MTA3: variants seen among roughly 807,000 people sequenced by gnomAD.
MTA3 encodes metastasis associated 1 family member 3.
MTA3 carries 34 observed loss-of-function variants against 83.5 expected under a neutral mutation model. That is an observed-to-expected ratio of 0.41 (90% CI 0.31 to 0.54). MTA3 has a LOEUF of 0.54. Among genes scored for constraint, MTA3 ranks in the 20% least tolerant of loss-of-function variants. The pLI, the probability that MTA3 is intolerant of heterozygous loss-of-function variation, is 0.33. For missense variants in MTA3, 761 were observed against 726.4 expected (o/e 1.05, Z -0.55); for synonymous variants, 303 against 252.7 (o/e 1.20, Z -1.89).
chr2:42,526,749 A>G (rs1675726491), intron 2 of MTA3, among the ~76,000 whole-genome samples: 1 of 152,076 alleles, frequency 6.6e-6, no homozygotes, highest in Admixed American at 6.6e-5. Context: ...CAATGGGCTA[A>G]TGACATAAAT....
At position 42,756,551 on chromosome 2, in the gene MTA3, G is replaced by A. The variant is rs528086194; in HGVS notation, c.*3152G>A. The stretch of plus-strand genomic sequence containing the variant: ...CCCACTGCTGTCCTAAGTCCCTGGC[G>A]AGGGGAGGTGGAGGAGCTGCCCCGT... On this transcript the variant is annotated 3_prime_UTR_variant, in exon 17 of 17. Coordinates refer to ENST00000405094, the MANE Select transcript of MTA3 (RefSeq NM_001330442.2). 8.7e-4 allele frequency: 856 copies of A among 985,856 alleles called. 1 individual carries two copies. The highest frequency in any genetic ancestry group is 9.4e-4 in the Non-Finnish European group (777 of 830,220). The allele number at this position is 985,856 out of a possible 1,614,324, so 61.1% of individuals were successfully genotyped here.
chr2:42,632,703 C>T (rs1157756127), intron 4 of MTA3, among the ~76,000 whole-genome samples: 1 of 152,128 alleles, frequency 6.6e-6, no homozygotes, highest in Non-Finnish European at 1.5e-5. Context: ...ATGGGCATCT[C>T]AAAACATAAT....
At chr2:42,508,752 A>G (rs573096879) in intron 2 of MTA3, among the ~76,000 whole-genome samples, 27 of 146,906 alleles carry the variant, frequency 1.8e-4, no homozygotes, top group Non-Finnish European at 3.3e-4. Context: ...ATAATATTAT[A>G]TATTATATAG....
intron 3 of MTA3, among the ~76,000 whole-genome samples, chr2:42,585,073 A>C (rs1445707815): frequency 6.6e-6 from 1 of 151,392 alleles, no homozygotes; most frequent in Non-Finnish European, 1.5e-5. Context: ...CTTTGATTAC[A>C]TAATAATCAA....
At chr2:42,678,416 C>A (rs1228985113) in intron 8 of MTA3, among the ~76,000 whole-genome samples, 1 of 152,152 alleles carries the variant, frequency 6.6e-6, no homozygotes, top group Admixed American at 6.5e-5. Context: ...CGGCTCACTG[C>A]TACTTCCACC....
intron 2 of MTA3, among the ~76,000 whole-genome samples, chr2:42,575,871 C>T (rs111910776): frequency 0.012 from 1,850 of 152,272 alleles, 27 homozygotes; most frequent in African/African-American, 0.036. Flanking sequence ...CATCCATCCT[C>T]ACCTCCTCCC....
At chr2:42,501,656 A>T (rs1674399550) in intron 2 of MTA3, among the ~76,000 whole-genome samples, 1 of 152,222 alleles carries the variant, frequency 6.6e-6, no homozygotes, top group Non-Finnish European at 1.5e-5. Context: ...AGTGCCAAGC[A>T]AGGAGAATCG....
At chr2:42,687,404 T>C (rs1042275502) in intron 9 of MTA3, among the ~76,000 whole-genome samples, 4 of 152,214 alleles carry the variant, frequency 2.6e-5, no homozygotes, top group African/African-American at 7.2e-5. Flanking sequence ...TTTCACTGCC[T>C]AGTAGTACTA....
chr2:42,602,163 G>T (rs769718911), intron 3 of MTA3, among the ~76,000 whole-genome samples: 54 of 152,008 alleles, frequency 3.6e-4, no homozygotes, highest in Non-Finnish European at 2.9e-5. Context: ...TTTTTGTAGA[G>T]ATGGGGTTTC....
intron 5 of MTA3, among the ~76,000 whole-genome samples, chr2:42,641,616 G>C (rs1421858607): frequency 6.6e-6 from 1 of 152,110 alleles, no homozygotes; most frequent in Admixed American, 6.6e-5. Context: ...GGGAGGCCGA[G>C]GTGGGCGGAT....
chr2:42,652,093 A>G (rs1390237212), intron 6 of MTA3, among the ~76,000 whole-genome samples: 1 of 152,062 alleles, frequency 6.6e-6, no homozygotes, highest in African/African-American at 2.4e-5. Flanking sequence ...AAAAAAAGAA[A>G]AAAAAGAGTA....
In MTA3 at chr2:42,722,912, A is replaced by G. The variant is rs1667531876; in HGVS notation, c.1636A>G (p.Asn546Asp). Residue 546 changes from asparagine (N) to aspartate (D), a missense_variant, in exon 16 of 17, where the codon AAT becomes GAT. Transcript: ENST00000405094. ...AGAGATCCATCCTGCAAAGAAACCTAATGTAATTCGATCTACACCAAGCCT... is the reference window on the plus strand; with the variant it reads ...AGAGATCCATCCTGCAAAGAAACCTGATGTAATTCGATCTACACCAAGCCT... ...YLEIHPAKKP[N>D]VIRSTPSLQT... The G allele has an allele frequency of 3.3e-6, 5 of 1,525,490 alleles. No homozygotes were observed. Among genetic ancestry groups the G allele is most frequent in the African/African-American group, 1.5e-5 (1 of 65,884 alleles). 94.5% of individuals were successfully genotyped at this position (1,525,490 alleles called of 1,614,324 possible). A position where few individuals can be genotyped will look rare whatever the true frequency, so the allele number is the denominator to read the frequency against.
chr2:42,654,238 A>G (rs1308847608), intron 6 of MTA3, among the ~76,000 whole-genome samples: 1 of 152,172 alleles, frequency 6.6e-6, no homozygotes, highest in Admixed American at 6.5e-5. Context: ...CAGTGGCCTG[A>G]CTTAAGAGGC....
At chr2:42,699,195 T>C (rs541186782) in intron 11 of MTA3, among the ~76,000 whole-genome samples, 2 of 152,276 alleles carry the variant, frequency 1.3e-5, no homozygotes, top group East Asian at 3.9e-4. Context: ...AATAAAATTT[T>C]GCTTGATTTT....
At chr2:42,618,803 G>T (rs1403969981) in intron 4 of MTA3, among the ~76,000 whole-genome samples, 2 of 151,978 alleles carry the variant, frequency 1.3e-5, no homozygotes, top group Non-Finnish European at 2.9e-5. Flanking sequence ...TAGAGTTCGG[G>T]TCTCATATTA....
chr2:42,537,714 AG>A (rs1676312736), intron 2 of MTA3, among the ~76,000 whole-genome samples: 1 of 152,262 alleles, frequency 6.6e-6, no homozygotes, highest in Non-Finnish European at 1.5e-5. Context: ...TAAATCAAAA[AG>A]AATATCACCT....
chr2:42,700,228 AG>A (rs1693744680), intron 11 of MTA3, among the ~76,000 whole-genome samples: 1 of 152,080 alleles, frequency 6.6e-6, no homozygotes, highest in Non-Finnish European at 1.5e-5. Flanking sequence ...AGCACTGATG[AG>A]GAGAGTGAGG....
In MTA3 at chr2:42,599,204, T is replaced by C. The variant is rs535142084; in HGVS notation, c.191-10254T>C. The stretch of plus-strand genomic sequence containing the variant: ...TGTTTATAAGACTTCTATGAGTCTT[T>C]AAAGCTGCACATGTTTTCATATTAT... On this transcript the variant is annotated intron_variant, in intron 3 of 16. Coordinates refer to ENST00000405094, the MANE Select transcript of MTA3 (RefSeq NM_001330442.2). Among the ~76,000 whole-genome samples, 3 of 152,316 alleles carry C rather than the reference T, an allele frequency of 2.0e-5. No homozygotes were observed. In the South Asian group the frequency reaches 6.2e-4, roughly 32 times the overall value.
At chr2:42,585,159 G>A (rs980505373) in intron 3 of MTA3, among the ~76,000 whole-genome samples, 2 of 152,076 alleles carry the variant, frequency 1.3e-5, no homozygotes, top group African/African-American at 2.4e-5. Flanking sequence ...CGCGATCTCC[G>A]GCTCACTGCA....
Sources: gnomAD v4.1 joint callset for allele counts (sites outside exome capture counted in the v4.1 genomes callset) on GRCh38, gnomAD v4.1.1 for gene constraint, MANE v1.5 for transcripts, NCBI Gene and HGNC (gene_info 2026-07-23, HGNC 2026-07-21) for gene names.